The following ARL16 variants were observed in gnomAD, a reference collection of about 807,000 sequenced individuals.
The protein encoded by ARL16 is ADP-ribosylation factor-like protein 16.
Under a neutral mutation model 14.1 loss-of-function variants are expected in ARL16, and 21 were observed. That is an observed-to-expected ratio of 1.48 (90% CI 1.05 to 2.14). The LOEUF (loss-of-function observed/expected upper bound fraction) is 2.14, where lower values mean the gene tolerates loss of function less well. Ranked by LOEUF, ARL16 falls within the 30% of genes most tolerant of loss-of-function variation. ARL16 has a pLI of 0.00. For synonymous variants in ARL16, 122 were observed against 91.8 expected, an observed-to-expected ratio of 1.33 and a Z score of -1.88; for missense variants, 248 against 222.0, an observed-to-expected ratio of 1.12 and a Z score of -0.74.
chr17:81,683,342 T>C, intron 2 of ARL16, 194 bp downstream of exon 2: 1 of 871,824 alleles, frequency 1.1e-6, no homozygotes. Context: ...GGAGAGGAAG[T>C]GCCCGTGGAG....
At chr17:81,682,770 G>A (rs543371207) in intron 3 of ARL16, 508 of 552,852 alleles carry the variant, frequency 9.2e-4, no homozygotes, top group Non-Finnish European at 1.2e-3. Context: ...TGTTCTCTGC[G>A]GAGCAGCAGC....
intron 2 of ARL16, 74 bp downstream of exon 2, chr17:81,683,462 T>TA (rs1431613039): frequency 2.8e-6 from 4 of 1,446,656 alleles, no homozygotes; most frequent in Admixed American, 2.7e-5. Context: ...GGCGTGCACT[T>TA]AGAGGAGCCC....
In ARL16 at chr17:81,681,231, T is replaced by A. The variant is rs11548422; in HGVS notation, c.*477A>T. On this transcript the variant is annotated 3_prime_UTR_variant, in exon 5 of 5. Coordinates refer to ENST00000622299, the MANE Select transcript of ARL16 (RefSeq NM_001040025.3). Reference sequence around the variant, plus strand: ...TTCTTATATTTTTTAAGACGGAGTTTCACTCTTGTTGCCCAGGTGCAGTGC... The same window carrying A: ...TTCTTATATTTTTTAAGACGGAGTTACACTCTTGTTGCCCAGGTGCAGTGC... The A allele has an allele frequency of 0.034, 5,168 of 152,928 alleles. 323 individuals carry two copies. The highest frequency in any genetic ancestry group is 0.12 in the African/African-American group (4,856 of 41,516). The allele number at this position is 152,928 out of a possible 1,614,324, so 9.5% of individuals were successfully genotyped here. A position where few individuals can be genotyped will look rare whatever the true frequency, so the allele number is the denominator to read the frequency against.
Position 81,681,574 on chromosome 17 carries a change from C to T in ARL16, c.*134G>A. On this transcript the variant is annotated 3_prime_UTR_variant, in exon 5 of 5. Transcript: ENST00000622299. ...TGCCTCAGTTTACACATCATTGCAT[C>T]TCAGCACAGAGCCCCATCATGTAGG... is the stretch of plus-strand genomic sequence containing the variant. 2 of 1,089,416 alleles carry T rather than the reference C, an allele frequency of 1.8e-6. No homozygotes were observed. The highest frequency in any genetic ancestry group is 3.2e-5 in the African/African-American group (2 of 62,820). 67.5% of individuals were successfully genotyped at this position (1,089,416 alleles called of 1,614,324 possible).
intron 2 of ARL16, 96 bp from the exon 3 acceptor site, chr17:81,683,222 G>A: frequency 1.7e-6 from 2 of 1,149,162 alleles, no homozygotes; most frequent in Non-Finnish European, 2.5e-6. Flanking sequence ...ACGGTGGCCT[G>A]AACCCCGCAG....
intron 3 of ARL16, chr17:81,682,762 T>C (rs1264171509): frequency 3.7e-6 from 2 of 542,958 alleles, no homozygotes; most frequent in Non-Finnish European, 6.6e-6. Context: ...GCCAAGTCTG[T>C]TCTCTGCGGA....
In ARL16 at chr17:81,683,405, C is replaced by A. The variant is rs2036896917; in HGVS notation, c.120+131G>T. On this transcript the variant is annotated intron_variant, in intron 2 of 4. Coordinates refer to ENST00000622299, the MANE Select transcript of ARL16 (RefSeq NM_001040025.3). ...ATTATCCTCAGCTCGGGCCGTCCCCCGCTCCCGAAGGCTGGCCTTAAGTCA... is the reference window on the plus strand; with the variant it reads ...ATTATCCTCAGCTCGGGCCGTCCCCAGCTCCCGAAGGCTGGCCTTAAGTCA... 1.6e-5 allele frequency: 20 copies of A among 1,245,368 alleles called. No homozygotes were observed. The South Asian group carries it at 2.8e-4, about 18-fold the overall frequency. 77.1% of individuals were successfully genotyped at this position (1,245,368 alleles called of 1,614,324 possible).
chr17:81,683,357 G>T, intron 2 of ARL16, 179 bp downstream of exon 2: 1 of 933,848 alleles, frequency 1.1e-6, no homozygotes, highest in Non-Finnish European at 1.6e-6. Flanking sequence ...GTGGAGGGCG[G>T]CAGGCCCCCT....
intron 1 of ARL16, 25 bp downstream of exon 1, chr17:81,683,668 G>T (rs1267026747): frequency 1.3e-6 from 2 of 1,594,216 alleles, no homozygotes; most frequent in Non-Finnish European, 1.7e-6. Flanking sequence ...CCGCGCCCCG[G>T]TCCCGTCCCC....
intron 2 of ARL16, 179 bp downstream of exon 2, chr17:81,683,357 G>A: frequency 3.2e-6 from 3 of 933,846 alleles, no homozygotes; most frequent in Non-Finnish European, 3.1e-6. Flanking sequence ...GTGGAGGGCG[G>A]CAGGCCCCCT....
chr17:81,683,237 A>C (rs892921822), intron 2 of ARL16, 111 bp from the exon 3 acceptor site: 1 of 1,052,240 alleles, frequency 9.5e-7, no homozygotes, highest in African/African-American at 1.6e-5. Context: ...CCGCAGACCC[A>C]TTCTCCCTAA....
Position 81,681,758 on chromosome 17 carries a change from A to G in ARL16, c.472T>C (p.Leu158=), listed in dbSNP as rs200851001. 2 of 1,610,404 alleles carry G rather than the reference A, an allele frequency of 1.2e-6. No individual in the cohort carries two copies. Among genetic ancestry groups the G allele is most frequent in the Non-Finnish European group, 1.7e-6 (2 of 1,178,696 alleles). The change falls in exon 5 of 5, where the codon TTA becomes CTA. Residue 158 remains leucine (L), a synonymous_variant. Coordinates refer to ENST00000622299, the MANE Select transcript of ARL16 (RefSeq NM_001040025.3). ...AEISAREGTG[L]AGVLAWLQAT... ...TGGAGCCAGGCCAGCACCCCTGCTA[A>G]GCCAGTGCCTTCACGGGCGCTGATT...
chr17:81,683,199 G>A (rs2036891016), intron 2 of ARL16, 73 bp from the exon 3 acceptor site: 2 of 1,372,052 alleles, frequency 1.5e-6, no homozygotes, highest in African/African-American at 2.9e-5. Flanking sequence ...AGAGCACCGT[G>A]CCCACACCTT....
Position 81,682,035 on chromosome 17 carries a change from T to C in ARL16, c.349A>G (p.Ile117Val). The C allele has an allele frequency of 6.2e-7, 1 of 1,606,756 alleles. No homozygotes were observed. The change falls in exon 4 of 5, where the codon ATC becomes GTC. Residue 117 changes from isoleucine (I) to valine (V), a missense_variant and splice_region_variant. Ile to Val is a conservative substitution (Grantham distance 29). Coordinates refer to ENST00000622299, the MANE Select transcript of ARL16 (RefSeq NM_001040025.3). ...CCCTCTCAGCTCAGGGACGCGTACA[T>C]TTTATTGAAGAGTATCAGCACCGAT... ...EASVLILFNK[I>V]DLPCYMSTEE...
chr17:81,681,691 G>C lies in ARL16; in HGVS notation c.*17C>G. On this transcript the variant is annotated 3_prime_UTR_variant, in exon 5 of 5. Transcript: ENST00000622299. ...CACCTCTCCCCAGCTCAGGCCAGCT[G>C]CGCCTCTGCCGTGCAGTCAATCGTT... The C allele has an allele frequency of 6.3e-7, 1 of 1,583,854 alleles. No individual in the cohort carries two copies. The highest frequency in any genetic ancestry group is 8.6e-7 in the Non-Finnish European group (1 of 1,166,408).
rs373697496 is a variant in ARL16 at position 81,681,697 on chromosome 17, C to G, written c.*11G>C. The G allele has an allele frequency of 2.3e-5, 37 of 1,592,654 alleles. No homozygotes were observed. Among genetic ancestry groups the G allele is most frequent in the Non-Finnish European group, 3.2e-5 (37 of 1,170,722 alleles). On this transcript the variant is annotated 3_prime_UTR_variant, in exon 5 of 5. Coordinates refer to ENST00000622299, the MANE Select transcript of ARL16 (RefSeq NM_001040025.3). ...TCCCCAGCTCAGGCCAGCTGCGCCT[C>G]TGCCGTGCAGTCAATCGTTGGCTCT...
At chr17:81,682,710 A>T (rs1355914445) in intron 3 of ARL16, 1 of 408,796 alleles carries the variant, frequency 2.4e-6, no homozygotes, top group East Asian at 4.9e-5. Context: ...GGTACGTATA[A>T]GTCCAACATA....
In ARL16 at chr17:81,683,000, G is replaced by A. The variant is rs377154277; in HGVS notation, c.234+13C>T. ...ACTTCCCTAAAGGAAGCCCATATAG[G>A]ATTACAACCCACCAGGAGAGAACGG... On this transcript the variant is annotated intron_variant, in intron 3 of 4. Transcript: ENST00000622299. 3.1e-4 allele frequency: 500 copies of A among 1,608,222 alleles called. 1 individual carries two copies. Among genetic ancestry groups the A allele is most frequent in the Admixed American group, 1.1e-3 (66 of 59,996 alleles).
At chr17:81,682,331 G>C (rs1598739143) in intron 3 of ARL16, 182 bp from the exon 4 acceptor site, 3 of 479,858 alleles carry the variant, frequency 6.3e-6, no homozygotes, top group African/African-American at 2.0e-5. Flanking sequence ...CGCCTCCAGG[G>C]TTCAGGGTTC....
Sources: gnomAD v4.1 joint callset for allele counts on GRCh38, gnomAD v4.1.1 for gene constraint, MANE v1.5 for transcripts, NCBI Gene and HGNC (gene_info 2026-07-23, HGNC 2026-07-21) for gene names.